The following KDM6A variants were observed in gnomAD, a reference collection of about 807,000 sequenced individuals.
KDM6A encodes the protein lysine demethylase 6A.
KDM6A carries 11 observed loss-of-function variants against 117.6 expected under a neutral mutation model. The ratio of observed to expected loss-of-function variants is 0.09; its 90% CI spans 0.06 to 0.15. The LOEUF is 0.15. Ranked by LOEUF, KDM6A falls within the 10% of genes least tolerant of loss-of-function variation. The pLI, the probability that KDM6A is intolerant of heterozygous loss-of-function variation, is 1.00. For missense variants in KDM6A, 799 were observed against 1,077.3 expected (o/e 0.74, Z 3.62); for synonymous variants, 384 against 396.1 (o/e 0.97, Z 0.36).
chrX:45,054,067 C>CT (rs2043966936), intron 10 of KDM6A, 112 bp downstream of exon 10: 1 of 789,245 alleles, frequency 1.3e-6, no homozygotes, highest in East Asian at 3.2e-5. Context: ...ATTTTCTCTT[C>CT]TAAATACATT....
At chrX:44,896,488 T>C (rs1467901036) in intron 2 of KDM6A, among the ~76,000 whole-genome samples, 1 of 111,595 alleles carries the variant, frequency 9.0e-6, no homozygotes, top group Non-Finnish European at 1.9e-5. Context: ...AACTCTTCCT[T>C]AGTAAGCAGA....
In KDM6A at chrX:45,053,518, C is replaced by T. The variant is rs556139260; in HGVS notation, c.749-311C>T. ...CGTAACATCTTTATATTTTTTGTTT[C>T]GTAACTTGGAATTTTTTCAGATATC... On this transcript the variant is annotated intron_variant, in intron 9 of 29. Transcript: ENST00000611820. Among the ~76,000 whole-genome samples, 5 of 111,736 alleles carry T rather than the reference C, an allele frequency of 4.5e-5. No individual in the cohort carries two copies. In the South Asian group the frequency reaches 1.1e-3, roughly 25 times the overall value.
chrX:44,891,331 G>A (rs2033341887), intron 2 of KDM6A, among the ~76,000 whole-genome samples: 1 of 110,863 alleles, frequency 9.0e-6, no homozygotes, highest in East Asian at 2.8e-4. Flanking sequence ...TTGAAGTTGA[G>A]CTTTGTTTTT....
intron 3 of KDM6A, among the ~76,000 whole-genome samples, chrX:44,964,450 GAAA>G (rs565164399): frequency 1.8e-5 from 1 of 54,221 alleles, no homozygotes; most frequent in Non-Finnish European, 3.8e-5. Flanking sequence ...CTCTGTCTCA[GAAA>G]AAAAAAAAAA....
intron 18 of KDM6A, among the ~76,000 whole-genome samples, chrX:45,073,020 C>G (rs1354920288): frequency 3.6e-5 from 4 of 109,590 alleles, no homozygotes; most frequent in African/African-American, 1.3e-4. Flanking sequence ...TATCCCTCCC[C>G]CTGCCTTCCA....
At chrX:45,059,512 G>A (rs762625539) in intron 12 of KDM6A, 46 bp downstream of exon 12, 10 of 928,265 alleles carry the variant, frequency 1.1e-5, no homozygotes, top group African/African-American at 5.9e-5. Flanking sequence ...TATTTCCCCA[G>A]AACACTCAGG....
chrX:44,954,881 A>G (rs958412658), intron 2 of KDM6A, among the ~76,000 whole-genome samples: 4 of 111,184 alleles, frequency 3.6e-5, no homozygotes, highest in African/African-American at 1.3e-4. Flanking sequence ...ACGGGCATTC[A>G]TTGGAATTTG....
At chrX:44,931,794 A>G (rs1236159713) in intron 2 of KDM6A, among the ~76,000 whole-genome samples, 1 of 112,038 alleles carries the variant, frequency 8.9e-6, no homozygotes, top group Non-Finnish European at 1.9e-5. Flanking sequence ...AACAATGAAT[A>G]TACTTACACT....
chrX:44,985,854 A>C (rs1347054814), intron 4 of KDM6A, among the ~76,000 whole-genome samples: 3 of 110,201 alleles, frequency 2.7e-5, no homozygotes, highest in Non-Finnish European at 5.6e-5. Context: ...CATCAGGGAT[A>C]TTGGTCTAAA....
At chrX:45,105,801 C>T (rs992841841) in intron 27 of KDM6A, among the ~76,000 whole-genome samples, 11 of 112,164 alleles carry the variant, frequency 9.8e-5, no homozygotes, top group Middle Eastern at 4.6e-3. Flanking sequence ...TGTTAGGAAC[C>T]GAGCTGCACA....
At chrX:44,976,835 G>A (rs1253279863) in intron 4 of KDM6A, among the ~76,000 whole-genome samples, 1 of 111,023 alleles carries the variant, frequency 9.0e-6, no homozygotes, top group Non-Finnish European at 1.9e-5. Context: ...GTTTTCTTGG[G>A]TAGGTACTGA....
At chrX:44,905,254 T>C (rs1234382784) in intron 2 of KDM6A, among the ~76,000 whole-genome samples, 1 of 112,364 alleles carries the variant, frequency 8.9e-6, no homozygotes, top group Non-Finnish European at 1.9e-5. Context: ...CATGTAACAA[T>C]ATTTTGGTCA....
chrX:44,896,500 C>G (rs1428001890), intron 2 of KDM6A, among the ~76,000 whole-genome samples: 1 of 110,531 alleles, frequency 9.0e-6, no homozygotes, highest in Non-Finnish European at 1.9e-5. Flanking sequence ...GTAAGCAGAA[C>G]TAAAAAAAGA....
chrX:45,076,874 C>T (rs778461566), intron 19 of KDM6A, 48 bp downstream of exon 19: 2 of 1,085,780 alleles, frequency 1.8e-6, no homozygotes, highest in Non-Finnish European at 2.5e-6. Context: ...TTGCAACTAC[C>T]TGTCTTTCAT....
intron 25 of KDM6A, among the ~76,000 whole-genome samples, chrX:45,088,120 A>G (rs1016447820): frequency 1.8e-5 from 2 of 111,401 alleles, no homozygotes; most frequent in Admixed American, 9.6e-5. Context: ...TAATTTTGTA[A>G]TGGCAATACA....
At chrX:44,880,429 CTG>C (rs781110081) in intron 2 of KDM6A, among the ~76,000 whole-genome samples, 4 of 104,997 alleles carry the variant, frequency 3.8e-5, no homozygotes, top group African/African-American at 7.1e-5. Flanking sequence ...AGATTTTAAA[CTG>C]TTTTATAGAT....
chrX:45,091,940 A>T (rs990353829), intron 27 of KDM6A, among the ~76,000 whole-genome samples: 1 of 111,714 alleles, frequency 9.0e-6, no homozygotes, highest in African/African-American at 3.3e-5. Context: ...CCAAGGTAAC[A>T]TGCCTATAAA....
intron 4 of KDM6A, among the ~76,000 whole-genome samples, chrX:44,980,559 G>T (rs867921718): frequency 1.3e-4 from 13 of 102,192 alleles, no homozygotes; most frequent in African/African-American, 4.3e-4. Flanking sequence ...TTTTACGTTT[G>T]TTTTTTTTTA....
intron 2 of KDM6A, among the ~76,000 whole-genome samples, chrX:44,900,876 G>A (rs960873625): frequency 8.1e-5 from 9 of 111,480 alleles, no homozygotes; most frequent in African/African-American, 2.6e-4. Context: ...GCTAGACTTC[G>A]TCTCAAAAAA....
Sources: gnomAD v4.1 joint callset for allele counts (sites outside exome capture counted in the v4.1 genomes callset) on GRCh38, gnomAD v4.1.1 for gene constraint, MANE v1.5 for transcripts, NCBI Gene and HGNC (gene_info 2026-07-23, HGNC 2026-07-21) for gene names.